The following KIAA0513 variants were observed in gnomAD, a reference collection of about 807,000 sequenced individuals.
The protein encoded by KIAA0513 is uncharacterized protein KIAA0513.
In KIAA0513, 39 loss-of-function variants were observed where a neutral mutation model predicts 56.5. That is an observed-to-expected ratio of 0.69 (90% confidence interval 0.53 to 0.90). The LOEUF (loss-of-function observed/expected upper bound fraction) is 0.90. Among genes scored for constraint, KIAA0513 ranks in the 40% least tolerant of loss-of-function variants. The probability of loss-of-function intolerance (pLI) is 0.00; values close to 1 mark genes in which losing one functional copy is unlikely to be tolerated. For missense variants in KIAA0513, 591 were observed against 535.2 expected (o/e 1.10, Z -1.03); for synonymous variants, 268 against 215.6 (o/e 1.24, Z -2.13).
intron 1 of KIAA0513, among the ~76,000 whole-genome samples, chr16:85,040,891 G>T (rs550209916): frequency 6.6e-6 from 1 of 152,274 alleles, no homozygotes; most frequent in African/African-American, 2.4e-5. Context: ...ATTTAGATAC[G>T]CTTGAAGCAA....
At chr16:85,043,557 G>A (rs1485320722) in intron 1 of KIAA0513, among the ~76,000 whole-genome samples, 2 of 151,840 alleles carry the variant, frequency 1.3e-5, no homozygotes, top group Non-Finnish European at 2.9e-5. Context: ...GACTACAGGC[G>A]TGCGCCACCA....
chr16:85,038,269 C>T (rs560596425), intron 1 of KIAA0513, among the ~76,000 whole-genome samples: 28 of 152,350 alleles, frequency 1.8e-4, no homozygotes, highest in South Asian at 6.2e-4. Context: ...GTGACCTCCC[C>T]GCTTTCTCCG....
rs2073817688 is a variant in KIAA0513, at chr16:85,087,059, G to A, written c.1092-13G>A. The A allele has an allele frequency of 1.2e-6, 2 of 1,613,598 alleles. No individual in the cohort carries two copies. The highest frequency in any genetic ancestry group is 1.7e-5 in the Admixed American group (1 of 59,994). ...GAGGCCAGCGGGTGACGCTCTTGGGGTTTCTCCTGCAGCACATTCACGCAC... is the reference window on the plus strand; with the variant it reads ...GAGGCCAGCGGGTGACGCTCTTGGGATTTCTCCTGCAGCACATTCACGCAC... On this transcript the variant is annotated splice_polypyrimidine_tract_variant and intron_variant, in intron 11 of 12. Transcript: ENST00000683363.
intron 2 of KIAA0513, among the ~76,000 whole-genome samples, chr16:85,070,262 T>G (rs2144030581): frequency 6.6e-6 from 1 of 152,166 alleles, no homozygotes; most frequent in East Asian, 1.9e-4. Context: ...ATGTGTAAAC[T>G]GTCAAGGGCT....
chr16:85,081,199 T>C lies in KIAA0513; in HGVS notation c.903-116T>C, dbSNP rs2073739037. Reference sequence around the variant, plus strand: ...TTCTCAGCCCTACCTCTCTGAGACTTCTTAGAAGCTCAGACAGATGTGAGA... The same window carrying C: ...TTCTCAGCCCTACCTCTCTGAGACTCCTTAGAAGCTCAGACAGATGTGAGA... On this transcript the variant is annotated intron_variant, in intron 8 of 12. Transcript: ENST00000683363. This position sits in a 1 kb window ranked among gnomAD's most constrained non-coding sequence, Gnocchi z 4.4. 3.3e-6 allele frequency: 3 copies of C among 922,784 alleles called. No individual in the cohort carries two copies. The highest frequency in any genetic ancestry group is 5.3e-6 in the Non-Finnish European group (3 of 563,932). 57.2% of individuals were successfully genotyped at this position (922,784 alleles called of 1,614,324 possible).
chr16:85,034,103 G>C (rs2073003350), intron 1 of KIAA0513, among the ~76,000 whole-genome samples: 1 of 152,218 alleles, frequency 6.6e-6, no homozygotes, highest in South Asian at 2.1e-4. Flanking sequence ...ATGAGGCCAG[G>C]CATGGTGGCT....
rs1391668662 is a variant in KIAA0513 at position 85,092,920 on chromosome 16, TCTC to T, written c.*4598_*4600del. 1.3e-5 allele frequency: 2 copies of T among 152,204 alleles called. No individual in the cohort carries two copies. Among genetic ancestry groups the T allele is most frequent in the Non-Finnish European group, 2.9e-5 (2 of 68,076 alleles). The allele number at this position is 152,204 out of a possible 1,614,324, so 9.4% of individuals were successfully genotyped here. A position where few individuals can be genotyped will look rare whatever the true frequency, so the allele number is the denominator to read the frequency against. On this transcript the variant is annotated 3_prime_UTR_variant, in exon 13 of 13. Coordinates refer to ENST00000683363, the MANE Select transcript of KIAA0513 (RefSeq NM_001388359.1). ...AATGGAAGAAGCACATCAAGACTGT[TCTC>T]CTGCGGCCAACACTGGCCCGGAAGC...
intron 10 of KIAA0513, 36 bp downstream of exon 10, chr16:85,082,629 G>C: frequency 6.2e-7 from 1 of 1,612,262 alleles, no homozygotes; most frequent in Non-Finnish European, 8.5e-7. Flanking sequence ...CCATTTTACA[G>C]TGCGGGCTCC....
intron 10 of KIAA0513, 126 bp downstream of exon 10, chr16:85,082,719 T>G: frequency 9.9e-7 from 1 of 1,010,818 alleles, no homozygotes; most frequent in South Asian, 1.6e-5. Flanking sequence ...AGGTGCAGCC[T>G]GGTGGCCGGC....
chr16:85,078,896 G>C, intron 7 of KIAA0513, 29 bp from the exon 8 acceptor site: 1 of 1,613,768 alleles, frequency 6.2e-7, no homozygotes, highest in East Asian at 2.2e-5. Context: ...AACCAGAGCT[G>C]CTTTCAGCCA....
chr16:85,028,313 G>A (rs2072917113), intron 1 of KIAA0513, among the ~76,000 whole-genome samples: 3 of 152,166 alleles, frequency 2.0e-5, no homozygotes, highest in Non-Finnish European at 4.4e-5. Flanking sequence ...GGACCCCGGG[G>A]GAAAGACATT....
Position 85,086,883 on chromosome 16 carries a change from C to T in KIAA0513, c.1091+159C>T, listed in dbSNP as rs759984973. ...ATGCCAGCTCATAATTAATCCGCCT[C>T]CTACACGACCCCTGGTGGCCACAGT... On this transcript the variant is annotated intron_variant, in intron 11 of 12. Coordinates refer to ENST00000683363, the MANE Select transcript of KIAA0513 (RefSeq NM_001388359.1). The T allele has an allele frequency of 8.0e-4, 668 of 832,120 alleles. 1 individual carries two copies. Among genetic ancestry groups the T allele is most frequent in the Non-Finnish European group, 1.2e-3 (619 of 524,476 alleles). The allele number at this position is 832,120 out of a possible 1,614,324, so 51.5% of individuals were successfully genotyped here.
intron 1 of KIAA0513, among the ~76,000 whole-genome samples, chr16:85,055,136 T>C (rs1421605286): frequency 6.6e-6 from 1 of 152,094 alleles, no homozygotes; most frequent in Non-Finnish European, 1.5e-5. Context: ...GTGCCCAGGC[T>C]GGTCTCAAAC....
At chr16:85,028,301 A>C (rs1166478375) in intron 1 of KIAA0513, among the ~76,000 whole-genome samples, 3 of 152,128 alleles carry the variant, frequency 2.0e-5, no homozygotes, top group Non-Finnish European at 4.4e-5. Flanking sequence ...GAGAGGGTGC[A>C]AGGACCCCGG....
chr16:85,086,919 G>C (rs2073815842), intron 11 of KIAA0513, 153 bp from the exon 12 acceptor site: 1 of 839,158 alleles, frequency 1.2e-6, no homozygotes, highest in African/African-American at 1.7e-5. Context: ...GCCACAGTGA[G>C]AGTTGCTGGT....
intron 1 of KIAA0513, chr16:85,063,684 A>G (rs1358926681): frequency 1.3e-5 from 2 of 152,174 alleles, no homozygotes; most frequent in East Asian, 3.9e-4. Context: ...AGTGTTTGCC[A>G]TGCAGTGTTA....
chr16:85,069,916 A>G (rs952243934), intron 2 of KIAA0513, among the ~76,000 whole-genome samples: 11 of 151,952 alleles, frequency 7.2e-5, no homozygotes, highest in African/African-American at 1.9e-4. Flanking sequence ...TGTATTCCCA[A>G]CACTTTGGGA....
At chr16:85,079,350 G>C (rs1219340208) in intron 8 of KIAA0513, 1 of 264,858 alleles carries the variant, frequency 3.8e-6, no homozygotes. Context: ...ACAAATGTCT[G>C]TAGCAACGTC....
At chr16:85,032,560 T>C (rs539846794) in intron 1 of KIAA0513, among the ~76,000 whole-genome samples, 1 of 152,294 alleles carries the variant, frequency 6.6e-6, no homozygotes, top group African/African-American at 2.4e-5. Context: ...CTCAAGTTCC[T>C]GACCTCAAGT....
Sources: gnomAD v4.1 joint callset for allele counts (sites outside exome capture counted in the v4.1 genomes callset) on GRCh38, gnomAD v4.1.1 for gene constraint, Gnocchi (gnomAD v3.1) non-coding constraint, MANE v1.5 for transcripts, NCBI Gene and HGNC (gene_info 2026-07-23, HGNC 2026-07-21) for gene names.